TAF1: variants seen among roughly 807,000 people sequenced by gnomAD.
TAF1 encodes the protein TATA-box binding protein associated factor 1.
TAF1 carries 2 observed loss-of-function variants against 138.5 expected under a neutral mutation model. The ratio of observed to expected loss-of-function variants is 0.01; its 90% CI spans 0.01 to 0.05. The LOEUF is 0.05. TAF1 is among the 10% of genes least tolerant of loss of function. The probability of loss-of-function intolerance (pLI) is 1.00; values close to 1 mark genes in which losing one functional copy is unlikely to be tolerated. For synonymous variants in TAF1, 437 were observed against 503.2 expected (o/e 0.87, Z 1.76); for missense variants, 709 against 1,478.0 (o/e 0.48, Z 8.53).
rs1292946317 is a variant in TAF1, at chrX:71,483,776, C to CTATATA, written c.1366+22974_1366+22975insATATAT. Among the ~76,000 whole-genome samples, 504 of 63,358 alleles carry CTATATA rather than the reference C, an allele frequency of 8.0e-3. 2 individuals are homozygous for CTATATA. Among genetic ancestry groups the CTATATA allele is most frequent in the Non-Finnish European group, 0.011 (381 of 35,235 alleles). The allele number at this position is 63,358 out of a possible 115,157, so 55.0% of individuals were successfully genotyped here. A position where few individuals can be genotyped will look rare whatever the true frequency, so the allele number is the denominator to read the frequency against. On this transcript the variant is annotated intron_variant and NMD_transcript_variant, in intron 13 of 14. Coordinates refer to the TAF1 transcript ENST00000373775. ...TCTCTCTCTCTCTCTCTCTCTCTCT[C>CTATATA]TCTCTATATATATATATATATATAT... is the stretch of plus-strand genomic sequence containing the variant.
At position 71,380,986 on chromosome X, in the gene TAF1, C is replaced by T. The variant is rs998677258; in HGVS notation, c.1361-757C>T. On this transcript the variant is annotated intron_variant, in intron 8 of 37. Coordinates refer to ENST00000423759, the MANE Select transcript of TAF1 (RefSeq NM_004606.5). ...GATTACAGGCGTGAGCCACCACACC[C>T]GGATACAAAAATGTCTGATTTTTAA... Among the ~76,000 whole-genome samples the T allele has an allele frequency of 4.5e-5, 5 of 112,060 alleles. No homozygotes were observed. In the East Asian group the frequency reaches 1.4e-3, roughly 32 times the overall value.
chrX:71,495,493 G>A (rs750750083), intron 13 of TAF1, among the ~76,000 whole-genome samples: 4 of 111,522 alleles, frequency 3.6e-5, no homozygotes, highest in Admixed American at 1.9e-4. Context: ...TCCCGTAAAC[G>A]CCAGGCAGCA....
At chrX:71,487,894 A>G (rs919071120) in intron 13 of TAF1, among the ~76,000 whole-genome samples, 8 of 111,868 alleles carry the variant, frequency 7.2e-5, no homozygotes, top group Non-Finnish European at 1.5e-4. Flanking sequence ...CCAGACATTA[A>G]AAATTTTACC....
chrX:71,501,387 A>T (rs1413932580), intron 13 of TAF1, among the ~76,000 whole-genome samples: 1 of 111,166 alleles, frequency 9.0e-6, no homozygotes, highest in Non-Finnish European at 1.9e-5. Context: ...TATACTAGAA[A>T]TCATTCTTAT....
At chrX:71,412,667 A>C (rs1443579005) in intron 28 of TAF1, among the ~76,000 whole-genome samples, 1 of 111,850 alleles carries the variant, frequency 8.9e-6, no homozygotes, top group Non-Finnish European at 1.9e-5. Context: ...CGCTCACTGC[A>C]ACCTCCACCT....
chrX:71,481,509 T>C (rs2039071719), intron 13 of TAF1, among the ~76,000 whole-genome samples: 1 of 111,983 alleles, frequency 8.9e-6, no homozygotes, highest in African/African-American at 3.2e-5. Context: ...ATGGAAACTA[T>C]ATGTCATTCC....
rs186973103 is a variant in TAF1 at position 71,405,195 on chromosome X, G to C, written c.3999-1443G>C. 2.1e-3 allele frequency among the ~76,000 whole-genome samples: 230 copies of C among 111,006 alleles called. 4 individuals are homozygous for C. The highest frequency in any genetic ancestry group is 0.017 in the Admixed American group (177 of 10,369). ...GCTGGTCTCGAACCCCTGACCTCAGGTGATCCACCTGCCTCGGCCTCCCAA... is the reference window on the plus strand; with the variant it reads ...GCTGGTCTCGAACCCCTGACCTCAGCTGATCCACCTGCCTCGGCCTCCCAA... On this transcript the variant is annotated intron_variant, in intron 25 of 37. Coordinates refer to ENST00000423759, the MANE Select transcript of TAF1 (RefSeq NM_004606.5).
intron 22 of TAF1, among the ~76,000 whole-genome samples, chrX:71,395,255 T>C (rs1281398872): frequency 8.9e-6 from 1 of 111,770 alleles, no homozygotes; most frequent in Non-Finnish European, 1.9e-5. Context: ...ATGCCTGTAA[T>C]GCTAGCACTT....
At chrX:71,504,741 CAAAAAAAAAA>C (rs41370846) in intron 13 of TAF1, among the ~76,000 whole-genome samples, 52 of 5,695 alleles carry the variant, frequency 9.1e-3, no homozygotes, top group African/African-American at 0.022. Context: ...GACCCTGTCT[CAAAAAAAAAA>C]AAAAAAAAAA....
intron 32 of TAF1, among the ~76,000 whole-genome samples, chrX:71,429,373 AC>A (rs2036764836): frequency 9.0e-6 from 1 of 111,456 alleles, no homozygotes. Context: ...CTTATTGAGC[AC>A]CTACTGTGCC....
chrX:71,434,164 T>A (rs767280138), intron 32 of TAF1, among the ~76,000 whole-genome samples: 1 of 111,786 alleles, frequency 8.9e-6, no homozygotes, highest in African/African-American at 3.3e-5. Context: ...AGGCCAGAAG[T>A]TCAAGATCAG....
exon 15 of TAF1, chrX:71,530,266 T>C (rs1236196398): frequency 1.8e-5 from 2 of 112,571 alleles, no homozygotes; most frequent in Non-Finnish European, 3.7e-5. Context: ...AGGGGACCAA[T>C]TTCTCTCTGG....
chrX:71,486,579 C>T, intron 13 of TAF1, among the ~76,000 whole-genome samples: 1 of 102,593 alleles, frequency 9.7e-6, no homozygotes. Context: ...CCAGGCAGGT[C>T]TCTCAAGAGA....
chrX:71,418,812 A>C (rs1602607711), intron 28 of TAF1, among the ~76,000 whole-genome samples: 2 of 89,027 alleles, frequency 2.2e-5, no homozygotes, highest in African/African-American at 9.2e-5. Context: ...CTTGTTGCCC[A>C]GGCTGGGGTG....
At chrX:71,440,240 C>T (rs1021980571) in intron 32 of TAF1, among the ~76,000 whole-genome samples, 2 of 111,491 alleles carry the variant, frequency 1.8e-5, no homozygotes, top group Non-Finnish European at 3.8e-5. Context: ...AGCATAATTC[C>T]CTTGAGGTCC....
At chrX:71,395,922 C>T (rs1431497717) in intron 22 of TAF1, among the ~76,000 whole-genome samples, 2 of 110,699 alleles carry the variant, frequency 1.8e-5, no homozygotes, top group African/African-American at 3.3e-5. Flanking sequence ...CTTTGGGAGG[C>T]TGAGGCAGGC....
intron 13 of TAF1, among the ~76,000 whole-genome samples, chrX:71,477,364 C>T (rs755350239): frequency 8.1e-5 from 9 of 110,553 alleles, no homozygotes; most frequent in African/African-American, 3.0e-4. Flanking sequence ...AATCACAGCT[C>T]ACTGCAGCCT....
intron 34 of TAF1, among the ~76,000 whole-genome samples, chrX:71,456,680 T>TTTTTTTTTTTTTTTTTTTTTC: frequency 2.3e-5 from 1 of 43,502 alleles, no homozygotes; most frequent in African/African-American, 7.7e-5. Context: ...TTTTTTTTTT[T>TTTTTTTTTTTTTTTTTTTTTC]TTTTTTTTTT....
At chrX:71,518,525 A>G (rs1196436594) in intron 13 of TAF1, among the ~76,000 whole-genome samples, 2 of 110,548 alleles carry the variant, frequency 1.8e-5, no homozygotes, top group Non-Finnish European at 3.8e-5. Context: ...GAATTGGGAT[A>G]ATTCTGTGGG....
Sources: gnomAD v4.1 joint callset for allele counts (sites outside exome capture counted in the v4.1 genomes callset) on GRCh38, gnomAD v4.1.1 for gene constraint, MANE v1.5 for transcripts, NCBI Gene and HGNC (gene_info 2026-07-23, HGNC 2026-07-21) for gene names.